Variants in LRP12 observed in about 807,000 individuals in gnomAD.
LRP12 encodes the protein low-density lipoprotein receptor-related protein 12.
A neutral mutation model predicts 66.0 loss-of-function variants in LRP12; 14 were observed. The ratio of observed to expected loss-of-function variants is 0.21; its 90% CI spans 0.14 to 0.33. The LOEUF is 0.33. Among genes scored for constraint, LRP12 ranks in the 10% least tolerant of loss-of-function variants. The pLI is 1.00. For missense variants in LRP12, 889 were observed against 1,053.4 expected (o/e 0.84, Z 2.16); for synonymous variants, 357 against 359.1 (o/e 0.99, Z 0.07).
rs145879428 is a variant in LRP12, at chr8:104,549,293, C to T, written c.80-17330G>A. On this transcript the variant is annotated intron_variant, in intron 1 of 6. Coordinates refer to ENST00000276654, the MANE Select transcript of LRP12 (RefSeq NM_013437.5). ...TACCTATCATTTACTCCTGAACCCT[C>T]CTCAATCTAGCTTTTACCCCTAGCA... 5.7e-3 allele frequency among the ~76,000 whole-genome samples: 875 copies of T among 152,178 alleles called. 4 individuals are homozygous for T. The highest frequency in any genetic ancestry group is 8.0e-3 in the Non-Finnish European group (544 of 68,008).
chr8:104,518,974 T>A (rs1264188010), intron 2 of LRP12, among the ~76,000 whole-genome samples: 1 of 152,042 alleles, frequency 6.6e-6, no homozygotes, highest in African/African-American at 2.4e-5. Flanking sequence ...ACAAGGCAAG[T>A]GACCAACTGT....
intron 1 of LRP12, among the ~76,000 whole-genome samples, chr8:104,566,794 C>T (rs1332066452): frequency 6.6e-6 from 1 of 151,882 alleles, no homozygotes; most frequent in Non-Finnish European, 1.5e-5. Context: ...AGAAAAGGCC[C>T]TTAATTATTA....
rs770846647 is a variant in LRP12 at position 104,588,961 on chromosome 8, A to ACGACGC, written c.-70_-65dup. 0.016 allele frequency: 15,835 copies of ACGACGC among 971,600 alleles called. 312 individuals are homozygous for ACGACGC. The highest frequency in any genetic ancestry group is 0.016 in the Non-Finnish European group (11,539 of 704,574). 60.2% of individuals were successfully genotyped at this position (971,600 alleles called of 1,614,324 possible). The stretch of plus-strand genomic sequence containing the variant: ...AGGAGGGAGGAGAAGCTGGAGGTAG[A>ACGACGC]CGACGCCGACGCCGCCGCCGCCGCC... On this transcript the variant is annotated 5_prime_UTR_variant, in exon 1 of 7. Coordinates refer to ENST00000276654, the MANE Select transcript of LRP12 (RefSeq NM_013437.5).
chr8:104,494,977 G>A, intron 6 of LRP12, 100 bp downstream of exon 6: 1 of 1,077,376 alleles, frequency 9.3e-7, no homozygotes, highest in Non-Finnish European at 1.3e-6. Context: ...ATCCTTGATT[G>A]CAAAAATTCT....
At chr8:104,561,511 A>C (rs999260080) in intron 1 of LRP12, among the ~76,000 whole-genome samples, 3 of 152,148 alleles carry the variant, frequency 2.0e-5, no homozygotes, top group Non-Finnish European at 4.4e-5. Flanking sequence ...CATTACTTCC[A>C]CATTCATTAA....
chr8:104,543,182 GTGTTGTTTTTCTGT>G (rs537955148), intron 1 of LRP12, among the ~76,000 whole-genome samples: 1 of 151,996 alleles, frequency 6.6e-6, no homozygotes, highest in East Asian at 1.9e-4. Context: ...TGCAGATACA[GTGTTGTTTTTCTGT>G]TGTTGTTTTG....
chr8:104,556,178 T>C (rs538575027), intron 1 of LRP12, among the ~76,000 whole-genome samples: 3 of 152,126 alleles, frequency 2.0e-5, no homozygotes, highest in Admixed American at 6.6e-5. Context: ...GGAAAATTCA[T>C]AACATTAACT....
chr8:104,551,985 A>G (rs1167777886), intron 1 of LRP12, among the ~76,000 whole-genome samples: 2 of 152,234 alleles, frequency 1.3e-5, no homozygotes, highest in African/African-American at 4.8e-5. Flanking sequence ...ATTTGGTTTC[A>G]TATGATACTG....
intron 1 of LRP12, among the ~76,000 whole-genome samples, chr8:104,543,022 T>C (rs1473657132): frequency 2.0e-5 from 3 of 150,024 alleles, no homozygotes; most frequent in Non-Finnish European, 3.0e-5. Context: ...TAAATATATA[T>C]ACACACACAC....
intron 2 of LRP12, among the ~76,000 whole-genome samples, chr8:104,525,002 A>G (rs2140856651): frequency 6.6e-6 from 1 of 152,268 alleles, no homozygotes; most frequent in South Asian, 2.1e-4. Flanking sequence ...TCTATGTAGC[A>G]GATGAGCAGT....
intron 1 of LRP12, among the ~76,000 whole-genome samples, chr8:104,580,358 TAAA>T (rs774764260): frequency 4.3e-5 from 4 of 92,194 alleles, no homozygotes; most frequent in Non-Finnish European, 6.7e-5. Context: ...CTACTAAAAA[TAAA>T]AAAAAAAAAA....
intron 1 of LRP12, among the ~76,000 whole-genome samples, chr8:104,576,053 T>A (rs1045659208): frequency 2.0e-5 from 3 of 151,818 alleles, no homozygotes; most frequent in African/African-American, 7.3e-5. Context: ...TGAAACAAGA[T>A]AGTCAGACAA....
Position 104,588,855 on chromosome 8 carries a change from A to G in LRP12, c.43T>C (p.Ser15Pro), listed in dbSNP as rs776047772. 3 of 1,611,706 alleles carry G rather than the reference A, an allele frequency of 1.9e-6. No homozygotes were observed. The African/African-American group carries it at 4.0e-5, about 22-fold the overall frequency. ...WSTKESPRWR[S>P]ALLLLFLAGV... ...GCGAGGAAAAGCAAGAGCAACGCAG[A>G]CCTCCACCGCGGAGACTCTTTTGTG... is the stretch of plus-strand genomic sequence containing the variant. The change falls in exon 1 of 7, where the codon TCT becomes CCT. Residue 15 changes from serine (S) to proline (P), a missense_variant. Physicochemically the swap from Ser to Pro is moderately conservative, Grantham distance 74. Coordinates refer to ENST00000276654, the MANE Select transcript of LRP12 (RefSeq NM_013437.5).
intron 2 of LRP12, among the ~76,000 whole-genome samples, chr8:104,525,720 A>G (rs1017308547): frequency 2.0e-5 from 3 of 152,182 alleles, no homozygotes; most frequent in African/African-American, 7.2e-5. Flanking sequence ...CCCACAGCCA[A>G]TATCATACTG....
chr8:104,528,262 AG>A (rs1381717531), intron 2 of LRP12, among the ~76,000 whole-genome samples: 1 of 152,210 alleles, frequency 6.6e-6, no homozygotes, highest in Non-Finnish European at 1.5e-5. Context: ...GGGGAAGAGC[AG>A]AAATAGATGG....
At chr8:104,537,082 C>T (rs1288874368) in intron 1 of LRP12, among the ~76,000 whole-genome samples, 1 of 150,734 alleles carries the variant, frequency 6.6e-6, no homozygotes, top group Non-Finnish European at 1.5e-5. Context: ...AAAAAAAAAT[C>T]AGACACTGGG....
chr8:104,537,773 G>C (rs989076984), intron 1 of LRP12, among the ~76,000 whole-genome samples: 1 of 151,962 alleles, frequency 6.6e-6, no homozygotes, highest in African/African-American at 2.4e-5. Context: ...ATATAAAAAA[G>C]ACAAAAAAGA....
intron 2 of LRP12, among the ~76,000 whole-genome samples, chr8:104,524,475 G>C (rs1811199497): frequency 6.6e-6 from 1 of 151,968 alleles, no homozygotes; most frequent in Admixed American, 6.6e-5. Context: ...TCTTGAGCAT[G>C]ATCCAAATTA....
At chr8:104,500,130 A>T (rs1810802800) in intron 3 of LRP12, among the ~76,000 whole-genome samples, 1 of 152,248 alleles carries the variant, frequency 6.6e-6, no homozygotes, top group Non-Finnish European at 1.5e-5. Context: ...TGTGGGCATA[A>T]GTATAGGCCA....
Sources: allele counts gnomAD v4.1 joint callset (sites outside exome capture counted in the v4.1 genomes callset), GRCh38; gene constraint gnomAD v4.1.1; transcripts MANE v1.5; gene names NCBI Gene and HGNC (gene_info 2026-07-23, HGNC 2026-07-21).